The following CHRM3 variants were observed in gnomAD, a reference collection of about 807,000 sequenced individuals.
CHRM3 encodes muscarinic acetylcholine receptor M3.
CHRM3 carries 11 observed loss-of-function variants against 41.8 expected under a neutral mutation model. The ratio of observed to expected loss-of-function variants is 0.26; its 90% confidence interval spans 0.17 to 0.44. The LOEUF (loss-of-function observed/expected upper bound fraction) is 0.44. Among genes scored for constraint, CHRM3 ranks in the 20% least tolerant of loss-of-function variants. The probability of loss-of-function intolerance (pLI) is 1.00; values close to 1 mark genes in which losing one functional copy is unlikely to be tolerated. For synonymous variants in CHRM3, 297 were observed against 301.4 expected, an observed-to-expected ratio of 0.99 and a Z score of 0.15; for missense variants, 571 against 745.4, an observed-to-expected ratio of 0.77 and a Z score of 2.72.
intron 4 of CHRM3, among the ~76,000 whole-genome samples, chr1:239,641,674 G>C (rs1407697933): frequency 2.1e-5 from 3 of 145,892 alleles, no homozygotes; most frequent in Admixed American, 1.4e-4. Context: ...CACGTGAGAT[G>C]GGTTTCCTGA....
intron 5 of CHRM3, among the ~76,000 whole-genome samples, chr1:239,728,085 C>A (rs1663615743): frequency 6.6e-6 from 1 of 151,956 alleles, no homozygotes; most frequent in Non-Finnish European, 1.5e-5. Flanking sequence ...TAAAGGTTTG[C>A]TAGTTTACAT....
chr1:239,646,649 A>G (rs1444061348), intron 4 of CHRM3, among the ~76,000 whole-genome samples: 1 of 152,154 alleles, frequency 6.6e-6, no homozygotes, highest in Non-Finnish European at 1.5e-5. Flanking sequence ...GCAAGGGATC[A>G]TGGGTAGGAA....
At chr1:239,749,916 G>A (rs1665669441) in intron 5 of CHRM3, among the ~76,000 whole-genome samples, 1 of 152,196 alleles carries the variant, frequency 6.6e-6, no homozygotes, top group African/African-American at 2.4e-5. Flanking sequence ...ATAAGAAGCT[G>A]TGTGAATATT....
At chr1:239,747,931 G>A (rs1341100856) in intron 5 of CHRM3, among the ~76,000 whole-genome samples, 1 of 152,132 alleles carries the variant, frequency 6.6e-6, no homozygotes, top group African/African-American at 2.4e-5. Context: ...CAGCTACTTG[G>A]GAGGCCAAGG....
chr1:239,748,306 T>G lies in CHRM3; in HGVS notation c.-147+70018T>G, dbSNP rs557411827. 2.0e-5 allele frequency among the ~76,000 whole-genome samples: 3 copies of G among 152,336 alleles called. No homozygotes were observed. The East Asian group carries it at 5.8e-4, about 29-fold the overall frequency. Reference sequence around the variant, plus strand: ...ACATTCCTCATTTTTTGTTTCCTTTTGGTTTTGCAAACATCACTTCTCTCT... The same window carrying G: ...ACATTCCTCATTTTTTGTTTCCTTTGGGTTTTGCAAACATCACTTCTCTCT... On this transcript the variant is annotated intron_variant, in intron 5 of 6. Transcript: ENST00000676153. The surrounding 1 kb of genome is among the most constrained non-coding windows in gnomAD (Gnocchi z 4.3).
chr1:239,460,246 G>C (rs1023707676), intron 1 of CHRM3, among the ~76,000 whole-genome samples: 1 of 152,140 alleles, frequency 6.6e-6, no homozygotes, highest in Non-Finnish European at 1.5e-5. Flanking sequence ...AGGGACCAGA[G>C]TGTAAAGAGT....
intron 5 of CHRM3, among the ~76,000 whole-genome samples, chr1:239,763,006 C>G (rs1245012616): frequency 6.6e-6 from 1 of 152,014 alleles, no homozygotes; most frequent in African/African-American, 2.4e-5. Flanking sequence ...TTTTTGAGGT[C>G]CATTTTTATT....
chr1:239,639,269 A>C (rs1424418736), intron 4 of CHRM3, among the ~76,000 whole-genome samples: 6 of 151,988 alleles, frequency 3.9e-5, no homozygotes, highest in African/African-American at 1.5e-4. Context: ...TTCCATATGA[A>C]CTTTAAAGTA....
chr1:239,389,935 T>G (rs1475430885), intron 1 of CHRM3, among the ~76,000 whole-genome samples: 5 of 152,158 alleles, frequency 3.3e-5, no homozygotes, highest in Admixed American at 2.0e-4. Flanking sequence ...AGGAGATGAA[T>G]GAACCGTGAA....
chr1:239,676,320 A>T (rs1487887927), intron 4 of CHRM3, among the ~76,000 whole-genome samples: 1 of 152,120 alleles, frequency 6.6e-6, no homozygotes, highest in East Asian at 1.9e-4. Context: ...TAGTTGCTGG[A>T]CAGTACAAAG....
intron 2 of CHRM3, among the ~76,000 whole-genome samples, chr1:239,518,607 G>A (rs1669427797): frequency 1.3e-5 from 2 of 152,162 alleles, no homozygotes; most frequent in African/African-American, 4.8e-5. Flanking sequence ...GGAGAAAAAA[G>A]CCAGAAGCTA....
intron 1 of CHRM3, among the ~76,000 whole-genome samples, chr1:239,479,591 A>G (rs572921077): frequency 6.6e-5 from 10 of 152,270 alleles, no homozygotes; most frequent in African/African-American, 2.4e-4. Flanking sequence ...GTGCACTTAC[A>G]CAAGCCAAGA....
At chr1:239,429,428 T>C (rs73114786) in intron 1 of CHRM3, among the ~76,000 whole-genome samples, 8,100 of 152,248 alleles carry the variant, frequency 0.053, 668 homozygotes, top group African/African-American at 0.18. Flanking sequence ...TTATCTGTGA[T>C]TTATTTCAAT....
intron 5 of CHRM3, among the ~76,000 whole-genome samples, chr1:239,820,568 C>T (rs1052963711): frequency 2.6e-5 from 4 of 152,064 alleles, no homozygotes; most frequent in East Asian, 1.9e-4. Flanking sequence ...TCCTATGCTT[C>T]GGGAGAGATG....
At chr1:239,588,976 C>A (rs1663748468) in intron 3 of CHRM3, among the ~76,000 whole-genome samples, 1 of 152,182 alleles carries the variant, frequency 6.6e-6, no homozygotes, top group Non-Finnish European at 1.5e-5. Context: ...CTCTGTCCCC[C>A]AAGCTGGAGT....
At chr1:239,823,149 A>T (rs182568932) in intron 5 of CHRM3, among the ~76,000 whole-genome samples, 3 of 152,348 alleles carry the variant, frequency 2.0e-5, no homozygotes, top group African/African-American at 7.2e-5. Context: ...TTTGTGCAGC[A>T]TTTTATACAT....
chr1:239,849,081 T>C (rs1254329497), intron 6 of CHRM3, among the ~76,000 whole-genome samples: 1 of 152,238 alleles, frequency 6.6e-6, no homozygotes, highest in African/African-American at 2.4e-5. Flanking sequence ...AGAGATTGAA[T>C]GCTAGTTTCA....
intron 4 of CHRM3, among the ~76,000 whole-genome samples, chr1:239,668,191 G>A (rs1326888601): frequency 5.1e-5 from 7 of 137,702 alleles, no homozygotes; most frequent in Non-Finnish European, 6.1e-5. Flanking sequence ...CTCTGCCTCC[G>A]AGGCCCAAGC....
At position 239,387,903 on chromosome 1, in the gene CHRM3, C is replaced by T. The variant is rs960938575; in HGVS notation, c.-521+676C>T. 1.3e-5 allele frequency among the ~76,000 whole-genome samples: 2 copies of T among 152,160 alleles called. No individual in the cohort carries two copies. Among genetic ancestry groups the T allele is most frequent in the Non-Finnish European group, 2.9e-5 (2 of 68,022 alleles). ...GCGAGGCAGCGGCCGCTGGACTGCACCGGTTCTCCTCTTTGGAACACTTCC... is the reference window on the plus strand; with the variant it reads ...GCGAGGCAGCGGCCGCTGGACTGCATCGGTTCTCCTCTTTGGAACACTTCC... On this transcript the variant is annotated intron_variant, in intron 1 of 6. Transcript: ENST00000676153. This position sits in a 1 kb window ranked among gnomAD's most constrained non-coding sequence, Gnocchi z 5.1.
Sources: allele counts gnomAD v4.1 joint callset (sites outside exome capture counted in the v4.1 genomes callset), GRCh38; gene constraint gnomAD v4.1.1; non-coding constraint Gnocchi (gnomAD v3.1); transcripts MANE v1.5; gene names NCBI Gene and HGNC (gene_info 2026-07-23, HGNC 2026-07-21).